The following FAM135A variants were observed in gnomAD, a reference collection of about 807,000 sequenced individuals.
FAM135A encodes protein FAM135A.
A neutral mutation model predicts 146.8 loss-of-function variants in FAM135A; 79 were observed. That is an observed-to-expected ratio of 0.54 (90% CI 0.45 to 0.65). The LOEUF (loss-of-function observed/expected upper bound fraction) is 0.65. Ranked by LOEUF, FAM135A falls within the 30% of genes least tolerant of loss-of-function variation. FAM135A has a pLI of 0.00. For missense variants in FAM135A, 1,623 were observed against 1,758.2 expected (o/e 0.92, Z 1.38); for synonymous variants, 562 against 603.6 (o/e 0.93, Z 1.01).
At chr6:70,544,459 C>T (rs937962420) in intron 20 of FAM135A, among the ~76,000 whole-genome samples, 3 of 151,662 alleles carry the variant, frequency 2.0e-5, no homozygotes, top group East Asian at 3.9e-4. Flanking sequence ...ACCTGGGAGG[C>T]GGAGGTTGCA....
At chr6:70,449,977 T>TA (rs1300476522) in intron 4 of FAM135A, among the ~76,000 whole-genome samples, 2 of 152,172 alleles carry the variant, frequency 1.3e-5, no homozygotes, top group African/African-American at 4.8e-5. Context: ...GGGTGATTCT[T>TA]ATGGTATTGA....
chr6:70,466,860 T>C (rs940139427), intron 5 of FAM135A, among the ~76,000 whole-genome samples: 22 of 152,154 alleles, frequency 1.4e-4, no homozygotes, highest in African/African-American at 4.6e-4. Flanking sequence ...TTAAAGTTGG[T>C]ACCCTAGCAG....
chr6:70,522,920 G>A (rs575729153), intron 13 of FAM135A, among the ~76,000 whole-genome samples: 1 of 151,938 alleles, frequency 6.6e-6, no homozygotes, highest in South Asian at 2.1e-4. Context: ...AATTTCTTAT[G>A]TTCATCCTTT....
chr6:70,488,131 C>G (rs1180978854), intron 10 of FAM135A, among the ~76,000 whole-genome samples: 3 of 152,046 alleles, frequency 2.0e-5, no homozygotes, highest in African/African-American at 7.2e-5. Context: ...GATACAGGTA[C>G]AAGCATGTTT....
intron 5 of FAM135A, among the ~76,000 whole-genome samples, chr6:70,458,478 AT>A (rs1345311278): frequency 1.6e-4 from 24 of 152,290 alleles, no homozygotes; most frequent in African/African-American, 5.8e-4. Context: ...CTCTGAACAA[AT>A]TGTGAGACAT....
At chr6:70,545,259 G>A (rs1433365720) in intron 20 of FAM135A, among the ~76,000 whole-genome samples, 6 of 152,056 alleles carry the variant, frequency 3.9e-5, no homozygotes, top group African/African-American at 4.8e-5. Flanking sequence ...TTGTACTCAC[G>A]AGTTTATTAG....
intron 18 of FAM135A, 48 bp downstream of exon 18, chr6:70,533,902 G>A (rs375776615): frequency 5.9e-5 from 60 of 1,010,690 alleles, no homozygotes; most frequent in Non-Finnish European, 7.8e-5. Context: ...TCTATGAATT[G>A]TATAAAAGTT....
chr6:70,551,517 G>A (rs890050547), intron 20 of FAM135A, among the ~76,000 whole-genome samples: 10 of 152,162 alleles, frequency 6.6e-5, no homozygotes, highest in African/African-American at 2.4e-4. Context: ...AGGTTGAAGT[G>A]GGAGGATCCC....
At chr6:70,558,466 C>G (rs1269223290) in intron 21 of FAM135A, among the ~76,000 whole-genome samples, 5 of 152,168 alleles carry the variant, frequency 3.3e-5, no homozygotes, top group Non-Finnish European at 5.9e-5. Flanking sequence ...GTATTCTAAT[C>G]GTTATCTTTT....
chr6:70,502,686 G>C lies in FAM135A; in HGVS notation c.924G>C (p.Ala308=), dbSNP rs73746042. The C allele has an allele frequency of 2.4e-5, 38 of 1,612,746 alleles. No homozygotes were observed. The African/African-American group carries it at 4.8e-4, about 20-fold the overall frequency. Residue 308 remains alanine (A), a synonymous_variant, in exon 12 of 22, where the codon GCG becomes GCC. Coordinates refer to ENST00000418814, the MANE Select transcript of FAM135A (RefSeq NM_001162529.3). The part of the protein sequence containing the change: ...ELAELINMNL[A]QLCSLLMALW... ...CAGAACTTATAAATATGAATCTTGCGCAACTTTGCTCACTTTTGATGGCTT... is the reference window on the plus strand; with the variant it reads ...CAGAACTTATAAATATGAATCTTGCCCAACTTTGCTCACTTTTGATGGCTT...
At chr6:70,515,336 C>T (rs912014467) in intron 12 of FAM135A, among the ~76,000 whole-genome samples, 1 of 152,158 alleles carries the variant, frequency 6.6e-6, no homozygotes, top group Non-Finnish European at 1.5e-5. Context: ...TCATAATCAT[C>T]AAATTTGGAA....
intron 2 of FAM135A, among the ~76,000 whole-genome samples, chr6:70,425,306 T>C (rs182901322): frequency 6.6e-6 from 1 of 152,212 alleles, no homozygotes; most frequent in Non-Finnish European, 1.5e-5. Flanking sequence ...TGGCCAAACT[T>C]TACTTAGAAT....
intron 4 of FAM135A, among the ~76,000 whole-genome samples, chr6:70,439,058 G>T (rs1562420075): frequency 6.6e-6 from 1 of 152,158 alleles, no homozygotes; most frequent in Non-Finnish European, 1.5e-5. Flanking sequence ...TGTAGTCCCA[G>T]TTACTCAGGA....
chr6:70,518,447 C>G (rs1295828030), intron 12 of FAM135A, among the ~76,000 whole-genome samples: 1 of 152,164 alleles, frequency 6.6e-6, no homozygotes, highest in Non-Finnish European at 1.5e-5. Flanking sequence ...TCCAGAAGAT[C>G]TAGCAAAAAT....
At chr6:70,476,537 G>A (rs571530246) in intron 7 of FAM135A, among the ~76,000 whole-genome samples, 19 of 151,748 alleles carry the variant, frequency 1.3e-4, no homozygotes, top group African/African-American at 4.6e-4. Context: ...TTATTTAAGT[G>A]GAATAAGCTG....
rs111798431 is a variant in FAM135A, at chr6:70,486,870, T to C, written c.824-4164T>C. ...TAAACCTGGGCAGTGGAGATTGCAG[T>C]GAGCCGAGATCGTGCCATTGCACTC... On this transcript the variant is annotated intron_variant, in intron 10 of 21. Coordinates refer to ENST00000418814, the MANE Select transcript of FAM135A (RefSeq NM_001162529.3). 5.5e-3 allele frequency among the ~76,000 whole-genome samples: 842 copies of C among 152,120 alleles called. 5 individuals carry two copies. The highest frequency in any genetic ancestry group is 0.019 in the African/African-American group (791 of 41,516).
intron 12 of FAM135A, among the ~76,000 whole-genome samples, chr6:70,508,819 A>C (rs1004821843): frequency 1.3e-5 from 2 of 152,200 alleles, no homozygotes; most frequent in Admixed American, 1.3e-4. Context: ...TGATATTTCA[A>C]TATAAGTATA....
At chr6:70,424,060 G>A (rs12212785) in intron 2 of FAM135A, among the ~76,000 whole-genome samples, 3,447 of 152,270 alleles carry the variant, frequency 0.023, 55 homozygotes, top group Non-Finnish European at 0.036. Context: ...TCATGCCCTC[G>A]CAGTGGATTA....
chr6:70,505,281 C>T (rs1789504811), intron 12 of FAM135A, among the ~76,000 whole-genome samples: 1 of 151,988 alleles, frequency 6.6e-6, no homozygotes, highest in Non-Finnish European at 1.5e-5. Flanking sequence ...ATGTATGGCC[C>T]ATATTTAAGT....
Sources: gnomAD v4.1 joint callset for allele counts (sites outside exome capture counted in the v4.1 genomes callset) on GRCh38, gnomAD v4.1.1 for gene constraint, MANE v1.5 for transcripts, NCBI Gene and HGNC (gene_info 2026-07-23, HGNC 2026-07-21) for gene names.